Variants in SPNS3 observed in about 807,000 individuals in gnomAD.
The protein encoded by SPNS3 is SPNS lysolipid transporter 3, sphingosine-1-phosphate (putative).
Under a neutral mutation model 54.4 loss-of-function variants are expected in SPNS3, and 51 were observed. The observed-to-expected ratio is 0.94, with a 90% CI of 0.75 to 1.18. The LOEUF is 1.18. Ranked by LOEUF, SPNS3 falls within the 50% of genes most tolerant of loss-of-function variation. SPNS3 has a pLI of 0.00. For synonymous variants in SPNS3, 309 were observed against 294.7 expected, an observed-to-expected ratio of 1.05 and a Z score of -0.50; for missense variants, 669 against 677.4, an observed-to-expected ratio of 0.99 and a Z score of 0.14.
intron 4 of SPNS3, 152 bp from the exon 5 acceptor site, chr17:4,446,744 A>G: frequency 1.5e-6 from 1 of 684,962 alleles, no homozygotes; most frequent in Non-Finnish European, 2.6e-6. Context: ...TCTGGGCCTC[A>G]CGTGGCTTAC....
At chr17:4,462,154 C>T (rs865784299) in intron 8 of SPNS3, among the ~76,000 whole-genome samples, 9 of 1,584 alleles carry the variant, frequency 5.7e-3, no homozygotes, top group East Asian at 0.071. Context: ...TCCATCCATC[C>T]ATCCATCCAT....
intron 1 of SPNS3, among the ~76,000 whole-genome samples, chr17:4,438,359 C>T (rs562148511): frequency 4.6e-5 from 7 of 152,332 alleles, no homozygotes; most frequent in African/African-American, 1.7e-4. Flanking sequence ...TGACAGTCCC[C>T]CTCTTTTAGG....
chr17:4,471,444 C>T (rs968793392), intron 8 of SPNS3, among the ~76,000 whole-genome samples: 2 of 152,040 alleles, frequency 1.3e-5, no homozygotes, highest in African/African-American at 2.4e-5. Flanking sequence ...TTCATTTATT[C>T]GTGAGATTGT....
intron 8 of SPNS3, among the ~76,000 whole-genome samples, chr17:4,459,779 T>A (rs1441881120): frequency 6.6e-6 from 1 of 151,742 alleles, no homozygotes; most frequent in Non-Finnish European, 1.5e-5. Flanking sequence ...AAAATGTCTC[T>A]GTCCTGAGAG....
intron 9 of SPNS3, 34 bp downstream of exon 9, chr17:4,478,671 G>A (rs1298792842): frequency 1.3e-6 from 2 of 1,565,968 alleles, no homozygotes; most frequent in Non-Finnish European, 8.7e-7. Flanking sequence ...GGGCTGAGCA[G>A]GGGGAGCTGG....
At chr17:4,438,508 C>A (rs991641419) in intron 1 of SPNS3, among the ~76,000 whole-genome samples, 1 of 152,184 alleles carries the variant, frequency 6.6e-6, no homozygotes, top group East Asian at 1.9e-4. Flanking sequence ...AGACCCCGAC[C>A]CTTTCTAGGA....
chr17:4,473,643 T>C (rs548595055), intron 8 of SPNS3, among the ~76,000 whole-genome samples: 5 of 152,052 alleles, frequency 3.3e-5, no homozygotes, highest in Non-Finnish European at 5.9e-5. Flanking sequence ...CTGCCTCGGC[T>C]TCCCAAAGTG....
intron 7 of SPNS3, among the ~76,000 whole-genome samples, chr17:4,450,034 C>T (rs1240273557): frequency 6.6e-6 from 1 of 151,862 alleles, no homozygotes; most frequent in African/African-American, 2.4e-5. Context: ...TTCTCTCCTC[C>T]TCCTCCTGGA....
chr17:4,444,397 T>A (rs1970928384), intron 2 of SPNS3, among the ~76,000 whole-genome samples: 2 of 151,822 alleles, frequency 1.3e-5, no homozygotes, highest in East Asian at 3.9e-4. Flanking sequence ...TTGTATTTTT[T>A]TTTTTAGTAG....
intron 8 of SPNS3, among the ~76,000 whole-genome samples, chr17:4,477,805 C>G (rs79124106): frequency 6.6e-6 from 1 of 152,184 alleles, no homozygotes; most frequent in East Asian, 1.9e-4. Context: ...GGGGATGGCC[C>G]GGAGGGTCCT....
In SPNS3 at chr17:4,453,053, A is replaced by G. The variant is rs201943851; in HGVS notation, c.961A>G (p.Ile321Val). 12 of 1,613,998 alleles carry G rather than the reference A, an allele frequency of 7.4e-6. No individual in the cohort carries two copies. In the East Asian group the frequency reaches 2.7e-4, roughly 36 times the overall value. ...GGCACTGACCATCATGACCGGCGTC[A>G]TTGGGGTCATCTTGGGGGCAGAAGC... Reference protein sequence around the residue: ...FGALTIMTGVIGVILGAEAAR... With the variant: ...FGALTIMTGVVGVILGAEAAR... Residue 321 changes from isoleucine to valine, a missense_variant, in exon 8 of 12, where the codon ATT (isoleucine) becomes GTT (valine). Transcript: ENST00000355530.
chr17:4,468,611 G>A (rs61213285), intron 8 of SPNS3, among the ~76,000 whole-genome samples: 17 of 151,900 alleles, frequency 1.1e-4, no homozygotes, highest in Admixed American at 1.1e-3. Context: ...AGGGGCAGGG[G>A]TTTTTGTTTT....
At chr17:4,456,374 G>A (rs779746508) in intron 8 of SPNS3, among the ~76,000 whole-genome samples, 2 of 152,212 alleles carry the variant, frequency 1.3e-5, no homozygotes, top group African/African-American at 2.4e-5. Context: ...CCTCTCTTGA[G>A]ATGTGGGCAC....
intron 8 of SPNS3, 50 bp downstream of exon 8, chr17:4,453,255 C>T (rs1971218118): frequency 6.5e-7 from 1 of 1,540,304 alleles, no homozygotes; most frequent in Admixed American, 1.9e-5. Context: ...GGGCGAGGAA[C>T]TCCTGTTTCC....
chr17:4,468,795 C>CT lies in SPNS3; in HGVS notation c.1114-9765dup, dbSNP rs1174872321. Among the ~76,000 whole-genome samples the CT allele has an allele frequency of 9.7e-4, 104 of 107,758 alleles. 1 individual carries two copies. Among genetic ancestry groups the CT allele is most frequent in the East Asian group, 2.8e-3 (10 of 3,590 alleles). 70.7% of individuals were successfully genotyped at this position (107,758 alleles called of 152,430 possible). ...TTTTTCTTTCTTTCTCTCTCTCTTT[C>CT]TTTTTTTTTTTTGACGGAGTTTTGC... On this transcript the variant is annotated intron_variant, in intron 8 of 11. Coordinates refer to ENST00000355530, the MANE Select transcript of SPNS3 (RefSeq NM_182538.5).
chr17:4,447,434 G>A (rs185278863), intron 5 of SPNS3, among the ~76,000 whole-genome samples: 5 of 152,334 alleles, frequency 3.3e-5, no homozygotes, highest in African/African-American at 4.8e-5. Context: ...TGTTTCCAAC[G>A]TGGGCATGGA....
rs530045149 is a variant in SPNS3, at chr17:4,467,872, G to T, written c.1114-10700G>T. On this transcript the variant is annotated intron_variant, in intron 8 of 11. Transcript: ENST00000355530. ...GTAGAGAGGGGGGTTTCACCATGTT[G>T]GTTGGCCAGGGTGGCCTCGAATTCC... Among the ~76,000 whole-genome samples the T allele has an allele frequency of 5.1e-4, 77 of 152,272 alleles. 1 individual carries two copies. The South Asian group carries it at 0.014, about 27-fold the overall frequency.
intron 7 of SPNS3, among the ~76,000 whole-genome samples, chr17:4,451,878 T>C (rs954524): frequency 0.59 from 88,242 of 150,244 alleles, 26,363 homozygotes; most frequent in Admixed American, 0.65. Context: ...GGGGTTTTGC[T>C]GTATCGGCCA....
rs1567578048 is a variant in SPNS3, at chr17:4,483,561, C to T, written c.1180-2667C>T. The T allele has an allele frequency of 6.6e-6, 1 of 152,238 alleles. No individual in the cohort carries two copies. The allele number at this position is 152,238 out of a possible 1,614,324, so 9.4% of individuals were successfully genotyped here. ...ACCTAACTGTGGGGGTCCCAGCAGC[C>T]CCAGCCTCCATGTGGACCTTTCTGA... On this transcript the variant is annotated intron_variant, in intron 9 of 11. Transcript: ENST00000355530. This position sits in a 1 kb window ranked among gnomAD's most constrained non-coding sequence, Gnocchi z 4.2.
Sources: allele counts gnomAD v4.1 joint callset (sites outside exome capture counted in the v4.1 genomes callset), GRCh38; gene constraint gnomAD v4.1.1; non-coding constraint Gnocchi (gnomAD v3.1); transcripts MANE v1.5; gene names NCBI Gene and HGNC (gene_info 2026-07-23, HGNC 2026-07-21).